GPR158: variants seen among roughly 807,000 people sequenced by gnomAD.
The protein encoded by GPR158 is G protein-coupled receptor 158.
A neutral mutation model predicts 78.2 loss-of-function variants in GPR158; 30 were observed. The observed-to-expected ratio is 0.38, with a 90% CI of 0.29 to 0.52. The LOEUF (loss-of-function observed/expected upper bound fraction) is 0.52. GPR158 is among the 20% of genes least tolerant of loss of function. The pLI, the probability that GPR158 is intolerant of heterozygous loss-of-function variation, is 0.83. For missense variants in GPR158, 1,463 were observed against 1,523.5 expected, an observed-to-expected ratio of 0.96 and a Z score of 0.66; for synonymous variants, 581 against 591.1, an observed-to-expected ratio of 0.98 and a Z score of 0.25.
At chr10:25,408,168 T>C (rs1440593597) in intron 3 of GPR158, among the ~76,000 whole-genome samples, 4 of 152,198 alleles carry the variant, frequency 2.6e-5, no homozygotes, top group Non-Finnish European at 4.4e-5. Context: ...GTCAGCCTAT[T>C]TAGTTGAAGC....
chr10:25,254,195 A>T (rs1391454801), intron 2 of GPR158, among the ~76,000 whole-genome samples: 2 of 152,212 alleles, frequency 1.3e-5, no homozygotes, highest in Non-Finnish European at 2.9e-5. Flanking sequence ...AAGAAAATCA[A>T]GGCTGTCTTT....
intron 2 of GPR158, among the ~76,000 whole-genome samples, chr10:25,274,798 C>A (rs896474647): frequency 2.6e-5 from 4 of 152,056 alleles, no homozygotes; most frequent in African/African-American, 9.7e-5. Flanking sequence ...TTGTTGTGTT[C>A]TTTGGTGTAT....
At position 25,522,332 on chromosome 10, in the gene GPR158, C is replaced by T. The variant is rs1244768273; in HGVS notation, c.1405-28644C>T. On this transcript the variant is annotated intron_variant, in intron 5 of 10. Transcript: ENST00000376351. ...ATGGTCAGGGAATGTAATAAATCGC[C>T]TGCTTTTAAAAAGCTCTGGACATCC... is the stretch of plus-strand genomic sequence containing the variant. Among the ~76,000 whole-genome samples, 9 of 152,186 alleles carry T rather than the reference C, an allele frequency of 5.9e-5. No homozygotes were observed. In the East Asian group the frequency reaches 1.7e-3, roughly 29 times the overall value.
intron 5 of GPR158, among the ~76,000 whole-genome samples, chr10:25,488,565 T>C (rs891118123): frequency 1.3e-5 from 2 of 152,172 alleles, no homozygotes; most frequent in Non-Finnish European, 2.9e-5. Flanking sequence ...AGAAGAAAAC[T>C]GAGGTTGCTG....
chr10:25,504,866 G>A (rs1835990802), intron 5 of GPR158, among the ~76,000 whole-genome samples: 1 of 152,148 alleles, frequency 6.6e-6, no homozygotes. Context: ...TACCTGTGTG[G>A]CTTAGATGCA....
chr10:25,454,922 TAGTC>T lies in GPR158; in HGVS notation c.1336-11719_1336-11716del, dbSNP rs147678942. ...GGATTTTTCCATTTCATCATTTATT[TAGTC>T]AGTCAGTCACTCATTCATTTATTTA... On this transcript the variant is annotated intron_variant, in intron 4 of 10. Transcript: ENST00000376351. 1.1e-3 allele frequency among the ~76,000 whole-genome samples: 174 copies of T among 152,298 alleles called. No homozygotes were observed. The East Asian group carries it at 0.026, about 23-fold the overall frequency.
At chr10:25,451,119 T>C (rs193266316) in intron 4 of GPR158, among the ~76,000 whole-genome samples, 1 of 152,356 alleles carries the variant, frequency 6.6e-6, no homozygotes, top group African/African-American at 2.4e-5. Context: ...TAAACATTCT[T>C]GTGCATATAT....
chr10:25,296,357 G>A (rs1854513541), intron 2 of GPR158, among the ~76,000 whole-genome samples: 1 of 152,104 alleles, frequency 6.6e-6, no homozygotes, highest in Admixed American at 6.5e-5. Context: ...CCTAGAGAAG[G>A]GGGATCTGGT....
At position 25,418,340 on chromosome 10, in the gene GPR158, C is replaced by A. The variant is rs4483495; in HGVS notation, c.1335+5867C>A. On this transcript the variant is annotated intron_variant, in intron 4 of 10. Transcript: ENST00000376351. ...TAACATTTTATCATTTTAAATGACA[C>A]AAATGAGATTCCATTATACTCCAGG... is the stretch of plus-strand genomic sequence containing the variant. 9.3e-3 allele frequency among the ~76,000 whole-genome samples: 1,419 copies of A among 152,186 alleles called. 29 individuals carry two copies. The highest frequency in any genetic ancestry group is 0.032 in the African/African-American group (1,342 of 41,518).
At chr10:25,225,183 C>CCTTTTTTTTTTTTTTT (rs553039231) in intron 2 of GPR158, among the ~76,000 whole-genome samples, 1 of 134,766 alleles carries the variant, frequency 7.4e-6, no homozygotes, top group African/African-American at 2.8e-5. Context: ...GAACATTTGC[C>CCTTTTTTTTTTTTTTT]TTTTTTTTTT....
chr10:25,452,243 A>G (rs1835230406), intron 4 of GPR158, among the ~76,000 whole-genome samples: 1 of 151,870 alleles, frequency 6.6e-6, no homozygotes, highest in East Asian at 1.9e-4. Flanking sequence ...ATGAGGTCCC[A>G]TTGCATTGCC....
At chr10:25,193,108 A>C (rs2130644891) in intron 1 of GPR158, among the ~76,000 whole-genome samples, 1 of 152,342 alleles carries the variant, frequency 6.6e-6, no homozygotes, top group South Asian at 2.1e-4. Flanking sequence ...TATTACATGC[A>C]CCTGGCTATG....
intron 1 of GPR158, among the ~76,000 whole-genome samples, chr10:25,192,408 C>A (rs1371218158): frequency 6.6e-6 from 1 of 152,122 alleles, no homozygotes; most frequent in Non-Finnish European, 1.5e-5. Flanking sequence ...AATACAGTGT[C>A]TCTTGAAAAT....
chr10:25,185,545 C>T lies in GPR158; in HGVS notation c.902+9223C>T, dbSNP rs114893382. 7.6e-3 allele frequency among the ~76,000 whole-genome samples: 1,152 copies of T among 152,278 alleles called. 21 individuals are homozygous for T. The highest frequency in any genetic ancestry group is 0.026 in the African/African-American group (1,092 of 41,556). On this transcript the variant is annotated intron_variant, in intron 1 of 10. Transcript: ENST00000376351. ...GAATTTTGAAGGGAAAGCACTAGGCCGGATGTGGTGGCTCACGCCTGTAAT... is the reference window on the plus strand; with the variant it reads ...GAATTTTGAAGGGAAAGCACTAGGCTGGATGTGGTGGCTCACGCCTGTAAT...
rs1836925029 is a variant in GPR158, at chr10:25,566,048, G to GA, written c.1515-6599dup. On this transcript the variant is annotated intron_variant, in intron 6 of 10. Transcript: ENST00000376351. ...ATGTCTTAGATTTTGAGGAAAACCG[G>GA]AATTGCAACTTAGGTTTTATCTACT... Among the ~76,000 whole-genome samples the GA allele has an allele frequency of 4.6e-5, 7 of 152,152 alleles. No homozygotes were observed. In the South Asian group the frequency reaches 1.4e-3, roughly 32 times the overall value.
intron 2 of GPR158, among the ~76,000 whole-genome samples, chr10:25,236,700 C>T (rs1853531704): frequency 6.6e-6 from 1 of 151,874 alleles, no homozygotes; most frequent in Non-Finnish European, 1.5e-5. Flanking sequence ...CCTAGAGTTG[C>T]TCTCGGTGAG....
chr10:25,595,706 A>G (rs1837396038), intron 9 of GPR158, among the ~76,000 whole-genome samples: 1 of 152,226 alleles, frequency 6.6e-6, no homozygotes, highest in South Asian at 2.1e-4. Flanking sequence ...AAAGTAGATT[A>G]GTGTTTGTCA....
chr10:25,525,658 G>A (rs10741093), intron 5 of GPR158, among the ~76,000 whole-genome samples: 85,966 of 152,024 alleles, frequency 0.57, 24,812 homozygotes, highest in African/African-American at 0.7. Flanking sequence ...GCCTGTGGCA[G>A]GGGAAGAATG....
At chr10:25,579,429 G>A (rs1182478488) in intron 7 of GPR158, among the ~76,000 whole-genome samples, 2 of 152,066 alleles carry the variant, frequency 1.3e-5, no homozygotes, top group Non-Finnish European at 1.5e-5. Flanking sequence ...TCCAGTATGG[G>A]GGACCCAAAT....
Sources: gnomAD v4.1 joint callset for allele counts (sites outside exome capture counted in the v4.1 genomes callset) on GRCh38, gnomAD v4.1.1 for gene constraint, MANE v1.5 for transcripts, NCBI Gene and HGNC (gene_info 2026-07-23, HGNC 2026-07-21) for gene names.